TMEM94: variants seen among roughly 807,000 people sequenced by gnomAD.
The protein encoded by TMEM94 is ER Mg2+ ATPase.
TMEM94 carries 81 observed loss-of-function variants against 158.6 expected under a neutral mutation model. That is an observed-to-expected ratio of 0.51 (90% CI 0.43 to 0.61). The LOEUF (loss-of-function observed/expected upper bound fraction) is 0.61. Among genes scored for constraint, TMEM94 ranks in the 20% least tolerant of loss-of-function variants. TMEM94 has a pLI of 0.00. For synonymous variants in TMEM94, 751 were observed against 730.7 expected, an observed-to-expected ratio of 1.03 and a Z score of -0.45; for missense variants, 1,435 against 1,762.0, an observed-to-expected ratio of 0.81 and a Z score of 3.32.
At chr17:75,465,854 C>T (rs1157640266) in intron 1 of TMEM94, among the ~76,000 whole-genome samples, 1 of 151,372 alleles carries the variant, frequency 6.6e-6, no homozygotes, top group Non-Finnish European at 1.5e-5. Context: ...TTTTTTATGG[C>T]ATATTTTGAA....
At position 75,498,784 on chromosome 17, in the gene TMEM94, C is replaced by A; in HGVS notation, c.3827+62C>A. On this transcript the variant is annotated intron_variant, in intron 30 of 31. Transcript: ENST00000314256. This position sits in a 1 kb window ranked among gnomAD's most constrained non-coding sequence, Gnocchi z 6.7. Reference sequence around the variant, plus strand: ...GGGGAGGAGAGGGCCTTCTGCAGGGCTAGGATCGGAGGGCGGGACCGGGGC... The same window carrying A: ...GGGGAGGAGAGGGCCTTCTGCAGGGATAGGATCGGAGGGCGGGACCGGGGC... The A allele has an allele frequency of 6.5e-7, 1 of 1,529,754 alleles. No individual in the cohort carries two copies. The highest frequency in any genetic ancestry group is 1.4e-5 in the African/African-American group (1 of 72,412). The allele number at this position is 1,529,754 out of a possible 1,614,324, so 94.8% of individuals were successfully genotyped here.
intron 2 of TMEM94, among the ~76,000 whole-genome samples, chr17:75,475,453 G>A (rs972520838): frequency 2.0e-5 from 3 of 152,190 alleles, no homozygotes; most frequent in Non-Finnish European, 4.4e-5. Flanking sequence ...GACCTGTTAG[G>A]CTGTTTCCTC....
intron 1 of TMEM94, among the ~76,000 whole-genome samples, chr17:75,470,621 C>T (rs1173103632): frequency 6.6e-6 from 1 of 151,752 alleles, no homozygotes; most frequent in African/African-American, 2.4e-5. Context: ...AGGAGAATGG[C>T]GTGAACCCGG....
chr17:75,463,036 AAATATATATATATAT>A (rs1462295292), intron 1 of TMEM94, among the ~76,000 whole-genome samples: 5 of 2,754 alleles, frequency 1.8e-3, no homozygotes, highest in Non-Finnish European at 3.5e-3. Context: ...AAAAAAAAAA[AAATATATATATATAT>A]ATATATATAT....
At chr17:75,467,405 T>A (rs2050342459) in intron 1 of TMEM94, among the ~76,000 whole-genome samples, 1 of 151,890 alleles carries the variant, frequency 6.6e-6, no homozygotes, top group Non-Finnish European at 1.5e-5. Context: ...TTATTTGTTT[T>A]AGTATCTTAT....
At position 75,488,998 on chromosome 17, in the gene TMEM94, C is replaced by T. The variant is rs926214442; in HGVS notation, c.764+88C>T. On this transcript the variant is annotated intron_variant, in intron 7 of 31. Coordinates refer to ENST00000314256, the MANE Select transcript of TMEM94 (RefSeq NM_014738.6). Reference sequence around the variant, plus strand: ...GACAAGGAAGGGGCCCCGTTCATCTCGAGGTTCTCTTGAGGGCAGGCATCT... The same window carrying T: ...GACAAGGAAGGGGCCCCGTTCATCTTGAGGTTCTCTTGAGGGCAGGCATCT... The T allele has an allele frequency of 1.6e-5, 22 of 1,412,886 alleles. No homozygotes were observed. The Admixed American group carries it at 1.8e-4, about 12-fold the overall frequency. 87.5% of individuals were successfully genotyped at this position (1,412,886 alleles called of 1,614,324 possible). A position where few individuals can be genotyped will look rare whatever the true frequency, so the allele number is the denominator to read the frequency against.
intron 16 of TMEM94, 147 bp downstream of exon 16, chr17:75,493,249 T>A: frequency 1.0e-6 from 1 of 981,164 alleles, no homozygotes; most frequent in Non-Finnish European, 1.5e-6. Context: ...AGGGCTGGAA[T>A]TGGGGACCAG....
At chr17:75,457,182 CG>C (rs1256176914) in intron 1 of TMEM94, 1 of 152,436 alleles carries the variant, frequency 6.6e-6, no homozygotes, top group African/African-American at 2.4e-5. Context: ...CGCAGCCGCC[CG>C]GGGTCCTCGC....
At chr17:75,490,914 G>GTCCACACC in intron 11 of TMEM94, 135 bp from the exon 12 acceptor site, 1 of 932,290 alleles carries the variant, frequency 1.1e-6, no homozygotes, top group Non-Finnish European at 1.7e-6. Flanking sequence ...CCCATAACGT[G>GTCCACACC]TCCACACCCT....
chr17:75,495,072 TGGG>T lies in TMEM94; in HGVS notation c.2728+39_2728+41del. 1.1e-6 allele frequency: 1 copy of T among 893,452 alleles called. No homozygotes were observed. The highest frequency in any genetic ancestry group is 1.8e-6 in the Non-Finnish European group (1 of 567,640). The allele number at this position is 893,452 out of a possible 1,614,324, so 55.3% of individuals were successfully genotyped here. ...GCGTGGGGTGGGGACGGGGTGGCGG[TGGG>T]AGGATTCCCCTCCTCAGAGCCACAG... On this transcript the variant is annotated intron_variant, in intron 20 of 31. Coordinates refer to ENST00000314256, the MANE Select transcript of TMEM94 (RefSeq NM_014738.6). The surrounding 1 kb of genome is among the most constrained non-coding windows in gnomAD (Gnocchi z 5.6).
At position 75,493,032 on chromosome 17, in the gene TMEM94, C is replaced by T; in HGVS notation, c.2016C>T (p.Leu672=). The change falls in exon 16 of 32, where the codon CTC becomes CTT. Residue 672 remains leucine, a synonymous_variant. Transcript: ENST00000314256. ...ETMKETSLGR[L]SCVTKRRPPL... ...TGAAGGAGACATCGCTGGGGCGGCT[C>T]TCCTGTGTCACCAAGCGGCGGCCTC... is the stretch of plus-strand genomic sequence containing the variant. 1 of 1,613,668 alleles carries T rather than the reference C, an allele frequency of 6.2e-7. No individual in the cohort carries two copies.
chr17:75,482,822 T>C (rs1241880474), intron 2 of TMEM94, among the ~76,000 whole-genome samples: 1 of 152,206 alleles, frequency 6.6e-6, no homozygotes, highest in Non-Finnish European at 1.5e-5. Flanking sequence ...AGCTTGTGTG[T>C]GCCATGCACT....
chr17:75,462,827 CAA>C (rs1235590470), intron 1 of TMEM94, among the ~76,000 whole-genome samples: 7 of 104,748 alleles, frequency 6.7e-5, no homozygotes, highest in African/African-American at 7.4e-5. Flanking sequence ...CTTGTGTCTA[CAA>C]AAAAAAAAAA....
Position 75,492,808 on chromosome 17 carries a change from G to A in TMEM94, c.1912+19G>A. ...CTCATTGGTACAGGTCCCCATGGCA[G>A]GGGATGGCTGGCTGGACCCGCCTCC... On this transcript the variant is annotated intron_variant, in intron 15 of 31. Coordinates refer to ENST00000314256, the MANE Select transcript of TMEM94 (RefSeq NM_014738.6). This position sits in a 1 kb window ranked among gnomAD's most constrained non-coding sequence, Gnocchi z 4.4. 6.3e-7 allele frequency: 1 copy of A among 1,591,836 alleles called. No individual in the cohort carries two copies. Among genetic ancestry groups the A allele is most frequent in the Non-Finnish European group, 8.5e-7 (1 of 1,169,598 alleles).
chr17:75,475,859 C>T (rs1598340017), intron 2 of TMEM94, among the ~76,000 whole-genome samples: 1 of 152,320 alleles, frequency 6.6e-6, no homozygotes, highest in South Asian at 2.1e-4. Flanking sequence ...TTGGAGTCTT[C>T]AGAGGCCCTT....
chr17:75,478,371 A>G (rs369227832), intron 2 of TMEM94, among the ~76,000 whole-genome samples: 4 of 151,720 alleles, frequency 2.6e-5, no homozygotes, highest in East Asian at 1.9e-4. Context: ...AAGAAAAAGA[A>G]AAAAAGGAAA....
Position 75,495,202 on chromosome 17 carries a change from CAG to C in TMEM94, c.2729-81_2729-80del, listed in dbSNP as rs2052568514. The C allele has an allele frequency of 7.1e-7, 1 of 1,409,568 alleles. No homozygotes were observed. Among genetic ancestry groups the C allele is most frequent in the Non-Finnish European group, 9.7e-7 (1 of 1,033,418 alleles). 87.3% of individuals were successfully genotyped at this position (1,409,568 alleles called of 1,614,324 possible). A position where few individuals can be genotyped will look rare whatever the true frequency, so the allele number is the denominator to read the frequency against. ...AGTAGTCAGCAGGAAGGAGTGGACACAGGCAAAAAATTCTCTGCAGGGCAAGG... is the reference window on the plus strand; with the variant it reads ...AGTAGTCAGCAGGAAGGAGTGGACACGCAAAAAATTCTCTGCAGGGCAAGG... On this transcript the variant is annotated intron_variant, in intron 20 of 31. Transcript: ENST00000314256. The surrounding 1 kb of genome is among the most constrained non-coding windows in gnomAD (Gnocchi z 5.6).
At chr17:75,494,840 A>ACT (rs772607900) in intron 19 of TMEM94, 32 bp downstream of exon 19, 1 of 1,611,586 alleles carries the variant, frequency 6.2e-7, no homozygotes, top group Non-Finnish European at 8.5e-7. Context: ...GCCACCACTA[A>ACT]CTCTGTTTCC....
In TMEM94 at chr17:75,489,404, C is replaced by A; in HGVS notation, c.867+36C>A. Reference sequence around the variant, plus strand: ...CGGGGCTGTGCGGGGCTGCATGGGGCAGAGGAGAGGGCTGGACACGGGGGG... The same window carrying A: ...CGGGGCTGTGCGGGGCTGCATGGGGAAGAGGAGAGGGCTGGACACGGGGGG... On this transcript the variant is annotated intron_variant, in intron 8 of 31. Transcript: ENST00000314256. The surrounding 1 kb of genome is among the most constrained non-coding windows in gnomAD (Gnocchi z 5.0). The A allele has an allele frequency of 6.3e-7, 1 of 1,595,150 alleles. No homozygotes were observed. The highest frequency in any genetic ancestry group is 8.6e-7 in the Non-Finnish European group (1 of 1,162,924).
Sources: gnomAD v4.1 joint callset for allele counts (sites outside exome capture counted in the v4.1 genomes callset) on GRCh38, gnomAD v4.1.1 for gene constraint, Gnocchi (gnomAD v3.1) non-coding constraint, MANE v1.5 for transcripts, NCBI Gene and HGNC (gene_info 2026-07-23, HGNC 2026-07-21) for gene names.